The following PRKN variants were observed in gnomAD, a reference collection of about 807,000 sequenced individuals.
PRKN encodes the protein parkin RBR E3 ubiquitin protein ligase.
In PRKN, 56 loss-of-function variants were observed where a neutral mutation model predicts 59.5. That is an observed-to-expected ratio of 0.94 (90% CI 0.76 to 1.18). The LOEUF (loss-of-function observed/expected upper bound fraction) is 1.18. Ranked by LOEUF, PRKN falls within the 50% of genes most tolerant of loss-of-function variation. The pLI, the probability that PRKN is intolerant of heterozygous loss-of-function variation, is 0.00. For synonymous variants in PRKN, 250 were observed against 222.1 expected, an observed-to-expected ratio of 1.13 and a Z score of -1.12; for missense variants, 657 against 596.4, an observed-to-expected ratio of 1.10 and a Z score of -1.06.
At chr6:162,154,277 A>T (rs890935730) in intron 4 of PRKN, among the ~76,000 whole-genome samples, 5 of 152,118 alleles carry the variant, frequency 3.3e-5, no homozygotes, top group African/African-American at 1.2e-4. Flanking sequence ...CCCATTCTAG[A>T]TTACAGGGGA....
intron 2 of PRKN, among the ~76,000 whole-genome samples, chr6:162,297,570 G>A (rs1414165572): frequency 6.6e-6 from 1 of 151,948 alleles, no homozygotes; most frequent in Non-Finnish European, 1.5e-5. Flanking sequence ...AAATTATTGT[G>A]GGTTCATATC....
rs1278393874 is a variant in PRKN, at chr6:162,145,806, C to G, written c.534+55325G>C. Among the ~76,000 whole-genome samples the G allele has an allele frequency of 2.0e-5, 3 of 152,128 alleles. No homozygotes were observed. The East Asian group carries it at 5.8e-4, about 29-fold the overall frequency. Reference sequence around the variant, plus strand: ...CAGGCTGAAGTGAAGTTACAAAGGTCATACTCCTAAACAAACATCTGATGG... The same window carrying G: ...CAGGCTGAAGTGAAGTTACAAAGGTGATACTCCTAAACAAACATCTGATGG... On this transcript the variant is annotated intron_variant, in intron 4 of 11. Coordinates refer to ENST00000366898, the MANE Select transcript of PRKN (RefSeq NM_004562.3).
intron 2 of PRKN, chr6:162,275,389 G>T (rs1780589697): frequency 6.6e-6 from 1 of 152,076 alleles, no homozygotes; most frequent in Non-Finnish European, 1.5e-5. Context: ...TTTTGTATAG[G>T]AAGGCAGAAT....
rs1045474297 is a variant in PRKN, at chr6:161,664,479, C to T, written c.872-95063G>A. 1.1e-4 allele frequency among the ~76,000 whole-genome samples: 17 copies of T among 152,112 alleles called. No individual in the cohort carries two copies. The East Asian group carries it at 1.5e-3, about 14-fold the overall frequency. On this transcript the variant is annotated intron_variant, in intron 7 of 11. Transcript: ENST00000366898. ...GTAACTGTCACTTTATTTATAGTTACGGCAACTTCTTAGAACCGGTATCCT... is the reference window on the plus strand; with the variant it reads ...GTAACTGTCACTTTATTTATAGTTATGGCAACTTCTTAGAACCGGTATCCT...
chr6:162,026,328 T>G (rs913635175), intron 5 of PRKN, among the ~76,000 whole-genome samples: 2 of 152,312 alleles, frequency 1.3e-5, no homozygotes, highest in South Asian at 4.1e-4. Flanking sequence ...AATTATGTAC[T>G]CATAATCTCT....
At chr6:161,494,277 C>T (rs763654892) in intron 9 of PRKN, among the ~76,000 whole-genome samples, 2 of 152,196 alleles carry the variant, frequency 1.3e-5, no homozygotes, top group Non-Finnish European at 2.9e-5. Flanking sequence ...CTTACCCCAA[C>T]TCTATCCAAC....
intron 7 of PRKN, among the ~76,000 whole-genome samples, chr6:161,722,502 A>G (rs1787267570): frequency 6.6e-6 from 1 of 152,210 alleles, no homozygotes; most frequent in Non-Finnish European, 1.5e-5. Flanking sequence ...AACAATGAAC[A>G]TAACCCTGGC....
intron 7 of PRKN, among the ~76,000 whole-genome samples, chr6:161,747,584 G>A (rs1788486202): frequency 6.6e-6 from 1 of 152,152 alleles, no homozygotes; most frequent in South Asian, 2.1e-4. Flanking sequence ...TAGAAAACAC[G>A]TGGGCACGAC....
chr6:162,371,033 T>C (rs1785736852), intron 2 of PRKN, among the ~76,000 whole-genome samples: 1 of 152,196 alleles, frequency 6.6e-6, no homozygotes, highest in Non-Finnish European at 1.5e-5. Flanking sequence ...TTATCAAACA[T>C]CCTGACCCAA....
rs1053433942 is a variant in PRKN at position 161,363,277 on chromosome 6, G to A, written c.1168-3072C>T. ...AACTGAGTATAAACTAAATATGTTT[G>A]TTATATTTAAATAAATAAATAAAGG... On this transcript the variant is annotated intron_variant, in intron 10 of 11. Transcript: ENST00000366898. This position sits in a 1 kb window ranked among gnomAD's most constrained non-coding sequence, Gnocchi z 4.1. Among the ~76,000 whole-genome samples the A allele has an allele frequency of 6.6e-6, 1 of 152,212 alleles. No homozygotes were observed. The highest frequency in any genetic ancestry group is 1.9e-4 in the East Asian group (1 of 5,178).
At position 162,442,044 on chromosome 6, in the gene PRKN, C is replaced by CTAAAA. The variant is rs201319557; in HGVS notation, c.171+1265_171+1266insTTTTA. 8.8e-3 allele frequency among the ~76,000 whole-genome samples: 1,341 copies of CTAAAA among 152,086 alleles called. 24 individuals carry two copies. Among genetic ancestry groups the CTAAAA allele is most frequent in the African/African-American group, 0.03 (1,264 of 41,500 alleles). On this transcript the variant is annotated intron_variant, in intron 2 of 11. Coordinates refer to ENST00000366898, the MANE Select transcript of PRKN (RefSeq NM_004562.3). ...AAATCAAAACCCTTTTTAGCACATG[C>CTAAAA]ACTTCCCTTATAAAACCAAATTGCC...
intron 7 of PRKN, among the ~76,000 whole-genome samples, chr6:161,665,576 C>A (rs904961943): frequency 6.6e-6 from 1 of 152,180 alleles, no homozygotes; most frequent in African/African-American, 2.4e-5. Context: ...CTCTTCTTTA[C>A]TGCTTCTTCC....
intron 4 of PRKN, among the ~76,000 whole-genome samples, chr6:162,105,779 A>T (rs575594660): frequency 6.6e-6 from 1 of 152,360 alleles, no homozygotes; most frequent in South Asian, 2.1e-4. Flanking sequence ...TCTGAGAACA[A>T]TAGAGCAGTA....
intron 4 of PRKN, among the ~76,000 whole-genome samples, chr6:162,161,939 G>A (rs545274365): frequency 6.6e-6 from 1 of 152,026 alleles, no homozygotes; most frequent in Admixed American, 6.5e-5. Context: ...CTTTGTCATA[G>A]GTATGCATGT....
intron 1 of PRKN, among the ~76,000 whole-genome samples, chr6:162,695,855 C>T (rs529115324): frequency 6.6e-6 from 1 of 152,200 alleles, no homozygotes; most frequent in South Asian, 2.1e-4. Flanking sequence ...TATGGTAGAA[C>T]TCTTAAGTAC....
intron 7 of PRKN, among the ~76,000 whole-genome samples, chr6:161,661,642 T>C: frequency 6.6e-6 from 1 of 152,172 alleles, no homozygotes; most frequent in East Asian, 1.9e-4. Context: ...AAAGTACAGG[T>C]TCTGTGAAGG....
chr6:162,632,737 C>T (rs1346298789), intron 1 of PRKN, among the ~76,000 whole-genome samples: 1 of 151,922 alleles, frequency 6.6e-6, no homozygotes, highest in Non-Finnish European at 1.5e-5. Flanking sequence ...GTAGAAAAGA[C>T]AAAAATAAAA....
At chr6:162,418,661 T>TGTGTGTGTGTCTGCGTG (rs1398856017) in intron 2 of PRKN, among the ~76,000 whole-genome samples, 1 of 145,658 alleles carries the variant, frequency 6.9e-6, no homozygotes, top group African/African-American at 2.6e-5. Flanking sequence ...TGCGTGTGTG[T>TGTGTGTGTGTCTGCGTG]TGAGGGGGGG....
chr6:161,997,885 A>T (rs1282503904), intron 5 of PRKN, among the ~76,000 whole-genome samples: 2 of 152,120 alleles, frequency 1.3e-5, no homozygotes, highest in Non-Finnish European at 2.9e-5. Context: ...CCATCTGTGC[A>T]AAAATGGCCA....
Sources: gnomAD v4.1 joint callset for allele counts (sites outside exome capture counted in the v4.1 genomes callset) on GRCh38, gnomAD v4.1.1 for gene constraint, Gnocchi (gnomAD v3.1) non-coding constraint, MANE v1.5 for transcripts, NCBI Gene and HGNC (gene_info 2026-07-23, HGNC 2026-07-21) for gene names.